Variants in SLC7A2 observed in about 807,000 individuals in gnomAD.
SLC7A2 encodes solute carrier family 7 member 2, also known as cationic amino acid transporter 2.
SLC7A2 carries 48 observed loss-of-function variants against 58.9 expected under a neutral mutation model. The observed-to-expected ratio is 0.82, with a 90% CI of 0.65 to 1.04. The LOEUF is 1.04. Among genes scored for constraint, SLC7A2 ranks in the 50% least tolerant of loss-of-function variants. The pLI, the probability that SLC7A2 is intolerant of heterozygous loss-of-function variation, is 0.00. For missense variants in SLC7A2, 1,029 were observed against 818.8 expected (o/e 1.26, Z -3.13); for synonymous variants, 363 against 314.5 (o/e 1.15, Z -1.63).
chr8:17,530,674 G>C (rs920483929), intron 2 of SLC7A2, among the ~76,000 whole-genome samples: 1 of 151,720 alleles, frequency 6.6e-6, no homozygotes, highest in Non-Finnish European at 1.5e-5. Flanking sequence ...CTAGGTTCAA[G>C]CGTTTCTCCT....
chr8:17,535,907 C>CA (rs1257551954), intron 2 of SLC7A2, among the ~76,000 whole-genome samples: 4 of 151,848 alleles, frequency 2.6e-5, no homozygotes, highest in Admixed American at 2.0e-4. Flanking sequence ...CATCTCAAAA[C>CA]AAAAATTTTT....
chr8:17,519,855 A>G (rs1037927317), intron 2 of SLC7A2, among the ~76,000 whole-genome samples: 1 of 152,128 alleles, frequency 6.6e-6, no homozygotes, highest in African/African-American at 2.4e-5. Flanking sequence ...TGTCTCCTCC[A>G]TAAAACCTTC....
At chr8:17,498,664 G>A (rs1270859840) in intron 1 of SLC7A2, 1 of 152,146 alleles carries the variant, frequency 6.6e-6, no homozygotes, top group Non-Finnish European at 1.5e-5. Flanking sequence ...GCCTTCATCT[G>A]GGAATGGTCA....
chr8:17,502,881 G>A (rs1585176160), intron 2 of SLC7A2, among the ~76,000 whole-genome samples: 1 of 151,882 alleles, frequency 6.6e-6, no homozygotes, highest in Admixed American at 6.6e-5. Flanking sequence ...ATTCATTTTA[G>A]GTCTTGGGTT....
chr8:17,502,342 G>C (rs1483364639), intron 2 of SLC7A2, 40 bp downstream of exon 2: 1 of 151,924 alleles, frequency 6.6e-6, no homozygotes, highest in Non-Finnish European at 1.5e-5. Context: ...CGTTGGAATG[G>C]AAAAAGGACT....
At chr8:17,505,875 G>T (rs1008817932) in intron 2 of SLC7A2, among the ~76,000 whole-genome samples, 4 of 151,872 alleles carry the variant, frequency 2.6e-5, no homozygotes, top group African/African-American at 9.7e-5. Flanking sequence ...CATCCTTGCA[G>T]GGCCTTATCA....
chr8:17,519,036 A>C lies in SLC7A2; in HGVS notation c.-23+16734A>C, dbSNP rs533672435. 8.5e-5 allele frequency among the ~76,000 whole-genome samples: 13 copies of C among 152,226 alleles called. No homozygotes were observed. The South Asian group carries it at 2.7e-3, about 32-fold the overall frequency. On this transcript the variant is annotated intron_variant, in intron 2 of 12. Coordinates refer to ENST00000494857, the MANE Select transcript of SLC7A2 (RefSeq NM_001370338.1). ...ATTCCATCATGGGTGCCCCACCCAC[A>C]TGATCTCATCTAGCCCTAATTACCT...
At chr8:17,522,215 A>G (rs112618370) in intron 2 of SLC7A2, among the ~76,000 whole-genome samples, 8,252 of 152,270 alleles carry the variant, frequency 0.054, 268 homozygotes, top group Middle Eastern at 0.17. Flanking sequence ...ACAGGAGAGA[A>G]TGAGAACCAA....
At chr8:17,526,235 A>G (rs1294909209) in intron 2 of SLC7A2, among the ~76,000 whole-genome samples, 1 of 152,174 alleles carries the variant, frequency 6.6e-6, no homozygotes, top group Admixed American at 6.5e-5. Context: ...AGGGATTCAG[A>G]TTTAAAAGGT....
rs774139636 is a variant in SLC7A2, at chr8:17,563,597, C to T, written c.1672-6C>T. On this transcript the variant is annotated splice_polypyrimidine_tract_variant and splice_region_variant and intron_variant, in intron 11 of 12. Coordinates refer to ENST00000494857, the MANE Select transcript of SLC7A2 (RefSeq NM_001370338.1). ...GTATGTTCAAAAGGATTGTTTTCCC[C>T]CTCAGGTTCCATTCTTACCATTTTT... 3.8e-6 allele frequency: 6 copies of T among 1,561,428 alleles called. No homozygotes were observed. Among genetic ancestry groups the T allele is most frequent in the Admixed American group, 3.4e-5 (2 of 58,286 alleles).
At chr8:17,546,194 A>G (rs1802165824) in intron 4 of SLC7A2, among the ~76,000 whole-genome samples, 1 of 152,224 alleles carries the variant, frequency 6.6e-6, no homozygotes, top group South Asian at 2.1e-4. Context: ...AAAATATTCA[A>G]CTTTAATCTC....
At position 17,542,856 on chromosome 8, in the gene SLC7A2, G is replaced by T. The variant is rs546053679; in HGVS notation, c.-22-462G>T. Reference sequence around the variant, plus strand: ...TGTAACCCCGAGGTTGAGCTACTCCGGAGGCTGAGGTGGGAGGATTGTTTG... The same window carrying T: ...TGTAACCCCGAGGTTGAGCTACTCCTGAGGCTGAGGTGGGAGGATTGTTTG... On this transcript the variant is annotated intron_variant, in intron 2 of 12. Transcript: ENST00000494857. Among the ~76,000 whole-genome samples, 10 of 152,166 alleles carry T rather than the reference G, an allele frequency of 6.6e-5. No homozygotes were observed. In the South Asian group the frequency reaches 2.1e-3, roughly 32 times the overall value.
At position 17,541,372 on chromosome 8, in the gene SLC7A2, A is replaced by T. The variant is rs145942977; in HGVS notation, c.-22-1946A>T. Among the ~76,000 whole-genome samples, 457 of 152,326 alleles carry T rather than the reference A, an allele frequency of 3.0e-3. 8 individuals are homozygous for T. Among genetic ancestry groups the T allele is most frequent in the East Asian group, 6.7e-3 (35 of 5,188 alleles). The stretch of plus-strand genomic sequence containing the variant: ...AGCATTGATAGGTTTTGACGTTGAA[A>T]ACCTGAATATGGGCAAAACTGGAGA... On this transcript the variant is annotated intron_variant, in intron 2 of 12. Transcript: ENST00000494857.
At chr8:17,529,721 G>A (rs921316653) in intron 2 of SLC7A2, among the ~76,000 whole-genome samples, 2 of 151,900 alleles carry the variant, frequency 1.3e-5, no homozygotes, top group East Asian at 1.9e-4. Context: ...TTTTAGTAAC[G>A]ATGGGGTTTT....
intron 2 of SLC7A2, among the ~76,000 whole-genome samples, chr8:17,528,181 G>T (rs901062491): frequency 1.3e-5 from 2 of 152,150 alleles, no homozygotes; most frequent in Non-Finnish European, 2.9e-5. Flanking sequence ...ACAGGGAGGA[G>T]CAGACCCAGC....
chr8:17,510,066 G>A (rs1463876020), intron 2 of SLC7A2, among the ~76,000 whole-genome samples: 8 of 151,886 alleles, frequency 5.3e-5, no homozygotes, highest in South Asian at 2.1e-4. Context: ...CTAAACGTAC[G>A]AAAATTAGCC....
At chr8:17,537,867 T>G (rs1010560976) in intron 2 of SLC7A2, among the ~76,000 whole-genome samples, 2 of 152,184 alleles carry the variant, frequency 1.3e-5, no homozygotes, top group Non-Finnish European at 1.5e-5. Context: ...CTGAGGGCTT[T>G]GCTTTCTTCA....
intron 2 of SLC7A2, among the ~76,000 whole-genome samples, chr8:17,533,106 C>T (rs1033388525): frequency 6.6e-6 from 1 of 152,136 alleles, no homozygotes; most frequent in Non-Finnish European, 1.5e-5. Context: ...GAAGAACCAG[C>T]ACCCTTTTAA....
intron 7 of SLC7A2, among the ~76,000 whole-genome samples, chr8:17,554,249 A>G (rs1802582529): frequency 1.3e-5 from 2 of 152,142 alleles, no homozygotes; most frequent in South Asian, 2.1e-4. Context: ...TTAAGTCTTA[A>G]TTATTTAGTT....
Sources: allele counts gnomAD v4.1 joint callset (sites outside exome capture counted in the v4.1 genomes callset), GRCh38; gene constraint gnomAD v4.1.1; transcripts MANE v1.5; gene names NCBI Gene and HGNC (gene_info 2026-07-23, HGNC 2026-07-21).